The following MAGI3 variants were observed in gnomAD, a reference collection of about 807,000 sequenced individuals.
MAGI3 encodes the protein membrane associated guanylate kinase, WW and PDZ domain containing 3.
MAGI3 carries 43 observed loss-of-function variants against 121.8 expected under a neutral mutation model. The observed-to-expected ratio is 0.35, with a 90% CI of 0.28 to 0.46. The LOEUF (loss-of-function observed/expected upper bound fraction) is 0.46, where lower values mean the gene tolerates loss of function less well. Ranked by LOEUF, MAGI3 falls within the 20% of genes least tolerant of loss-of-function variation. MAGI3 has a pLI of 1.00. For synonymous variants in MAGI3, 553 were observed against 639.3 expected, an observed-to-expected ratio of 0.86 and a Z score of 2.04; for missense variants, 1,547 against 1,797.3, an observed-to-expected ratio of 0.86 and a Z score of 2.52.
chr1:113,490,652 A>G (rs776833124), intron 1 of MAGI3, among the ~76,000 whole-genome samples: 20 of 152,244 alleles, frequency 1.3e-4, no homozygotes, highest in Non-Finnish European at 1.8e-4. Context: ...AGTGACATAC[A>G]TAGGCTCAAA....
chr1:113,417,108 G>C (rs1652491190), intron 1 of MAGI3, among the ~76,000 whole-genome samples: 1 of 151,464 alleles, frequency 6.6e-6, no homozygotes, highest in Admixed American at 6.6e-5. Context: ...TAAAGTGTCA[G>C]ATTTATTGAG....
At chr1:113,638,612 C>T (rs1166040555) in intron 9 of MAGI3, among the ~76,000 whole-genome samples, 8 of 152,212 alleles carry the variant, frequency 5.3e-5, no homozygotes, top group Admixed American at 1.3e-4. Context: ...GAGGAGTACC[C>T]GGTCATGTGA....
intron 6 of MAGI3, among the ~76,000 whole-genome samples, chr1:113,597,165 G>C (rs995490150): frequency 6.6e-6 from 1 of 152,112 alleles, no homozygotes; most frequent in African/African-American, 2.4e-5. Context: ...TACTATACAT[G>C]CTATATGTAT....
In MAGI3 at chr1:113,684,134, G is replaced by A; in HGVS notation, c.*120G>A. 1 of 1,153,888 alleles carries A rather than the reference G, an allele frequency of 8.7e-7. No homozygotes were observed. Among genetic ancestry groups the A allele is most frequent in the Non-Finnish European group, 1.2e-6 (1 of 852,628 alleles). 71.5% of individuals were successfully genotyped at this position (1,153,888 alleles called of 1,614,324 possible). Reference sequence around the variant, plus strand: ...AACAGATAAGTACATGTTAATGTGAGCCTCAAGTTACCTAGGCTGCATGAA... The same window carrying A: ...AACAGATAAGTACATGTTAATGTGAACCTCAAGTTACCTAGGCTGCATGAA... On this transcript the variant is annotated 3_prime_UTR_variant, in exon 21 of 21. Transcript: ENST00000307546.
rs986469748 is a variant in MAGI3 at position 113,684,003 on chromosome 1, A to C, written c.4435A>C (p.Lys1479Gln). The C allele has an allele frequency of 6.4e-7, 1 of 1,566,436 alleles. No individual in the cohort carries two copies. Among genetic ancestry groups the C allele is most frequent in the African/African-American group, 1.4e-5 (1 of 72,404 alleles). The change falls in exon 21 of 21, where the codon AAA becomes CAA. Residue 1479 changes from lysine (K) to glutamine (Q), a missense_variant. Coordinates refer to ENST00000307546, the MANE Select transcript of MAGI3 (RefSeq NM_001142782.2). ...CACAGGCACTATTGGTATGGCTGAG[A>C]AACGGCAGTAACCTTTAGTATAAAA... Reference protein sequence around the residue: ...KVTGTIGMAEKRQ With the variant: ...KVTGTIGMAEQRQ
At chr1:113,671,176 G>A (rs1341739265) in intron 16 of MAGI3, among the ~76,000 whole-genome samples, 2 of 152,186 alleles carry the variant, frequency 1.3e-5, no homozygotes, top group African/African-American at 4.8e-5. Context: ...CTGAGAAAAT[G>A]GAAGCAGTAG....
chr1:113,626,632 G>A (rs1363459314), intron 9 of MAGI3, among the ~76,000 whole-genome samples: 1 of 152,134 alleles, frequency 6.6e-6, no homozygotes, highest in East Asian at 1.9e-4. Flanking sequence ...CTTGTTGCTT[G>A]TCATTGGTCT....
chr1:113,397,600 A>G (rs1427992145), intron 1 of MAGI3, among the ~76,000 whole-genome samples: 1 of 152,218 alleles, frequency 6.6e-6, no homozygotes, highest in Non-Finnish European at 1.5e-5. Flanking sequence ...TATTTTGTAC[A>G]AGGGCACAAA....
At chr1:113,626,396 C>T (rs1411953477) in intron 9 of MAGI3, among the ~76,000 whole-genome samples, 1 of 152,122 alleles carries the variant, frequency 6.6e-6, no homozygotes, top group Non-Finnish European at 1.5e-5. Context: ...TACATCAGTA[C>T]TTATCAGAAA....
chr1:113,507,067 A>G (rs1186490989), intron 1 of MAGI3, among the ~76,000 whole-genome samples: 2 of 152,160 alleles, frequency 1.3e-5, no homozygotes, highest in Non-Finnish European at 2.9e-5. Flanking sequence ...TTCTAAGTAC[A>G]TAGTTAGATG....
At chr1:113,485,330 A>AT (rs1454221285) in intron 1 of MAGI3, among the ~76,000 whole-genome samples, 1 of 151,772 alleles carries the variant, frequency 6.6e-6, no homozygotes, top group African/African-American at 2.4e-5. Flanking sequence ...TTATTTTTTG[A>AT]TTTTTTTGAT....
intron 1 of MAGI3, among the ~76,000 whole-genome samples, chr1:113,513,932 G>GA (rs1657750939): frequency 6.6e-6 from 1 of 151,222 alleles, no homozygotes; most frequent in South Asian, 2.1e-4. Context: ...AAATTTACAA[G>GA]AAAAAAACAA....
At chr1:113,522,945 T>C (rs1332824189) in intron 1 of MAGI3, among the ~76,000 whole-genome samples, 21 of 152,208 alleles carry the variant, frequency 1.4e-4, no homozygotes, top group Admixed American at 1.4e-3. Flanking sequence ...ATGGTTTGGC[T>C]GTGTCCCCAG....
At chr1:113,511,613 C>G (rs1657619146) in intron 1 of MAGI3, among the ~76,000 whole-genome samples, 1 of 152,196 alleles carries the variant, frequency 6.6e-6, no homozygotes, top group South Asian at 2.1e-4. Context: ...ACAATCTAAG[C>G]TAACTTGATT....
intron 1 of MAGI3, among the ~76,000 whole-genome samples, chr1:113,537,122 A>C (rs1426677256): frequency 6.6e-6 from 1 of 152,194 alleles, no homozygotes; most frequent in Non-Finnish European, 1.5e-5. Flanking sequence ...CTTCAGCTTG[A>C]TATAGATAGC....
intron 1 of MAGI3, among the ~76,000 whole-genome samples, chr1:113,509,694 T>C (rs912615239): frequency 8.2e-6 from 1 of 121,978 alleles, no homozygotes; most frequent in East Asian, 2.2e-4. Flanking sequence ...CAAAGCTTTT[T>C]TTCGTACAAA....
At chr1:113,590,758 A>G in intron 5 of MAGI3, 100 bp downstream of exon 5, 1 of 1,096,584 alleles carries the variant, frequency 9.1e-7, no homozygotes. Flanking sequence ...TTTTCAGAAG[A>G]CTCATTTTTT....
At position 113,594,494 on chromosome 1, in the gene MAGI3, A is replaced by G. The variant is rs1557841773; in HGVS notation, c.952A>G (p.Thr318Ala). The G allele has an allele frequency of 1.2e-6, 2 of 1,612,568 alleles. No individual in the cohort carries two copies. Among genetic ancestry groups the G allele is most frequent in the Admixed American group, 3.3e-5 (2 of 59,782 alleles). Residue 318 changes from threonine to alanine, a missense_variant, in exon 6 of 21, where the codon ACA becomes GCA. Physicochemically the swap from Thr to Ala is moderately conservative, Grantham distance 58. Coordinates refer to ENST00000307546, the MANE Select transcript of MAGI3 (RefSeq NM_001142782.2). The stretch of plus-strand genomic sequence containing the variant: ...TTTATTCTACAGCCACAATACCAAG[A>G]CAACCACCTGGTTGGATCCTCGTCT... The part of the protein sequence containing the change: ...MIYFIDHNTK[T>A]TTWLDPRLCK...
intron 1 of MAGI3, among the ~76,000 whole-genome samples, chr1:113,416,310 T>TTAATTATG (rs1474438895): frequency 3.8e-5 from 5 of 131,654 alleles, no homozygotes; most frequent in Admixed American, 8.7e-5. Context: ...AATTATGTAA[T>TTAATTATG]TAATTATGTA....
Sources: gnomAD v4.1 joint callset for allele counts (sites outside exome capture counted in the v4.1 genomes callset) on GRCh38, gnomAD v4.1.1 for gene constraint, MANE v1.5 for transcripts, NCBI Gene and HGNC (gene_info 2026-07-23, HGNC 2026-07-21) for gene names.